Variants in EXO1 observed in about 807,000 individuals in gnomAD.
EXO1 encodes exonuclease 1.
A neutral mutation model predicts 84.5 loss-of-function variants in EXO1; 69 were observed. The observed-to-expected ratio is 0.82, with a 90% CI of 0.67 to 1.00. EXO1 has a LOEUF of 1.00. Among genes scored for constraint, EXO1 ranks in the 50% least tolerant of loss-of-function variants. The pLI is 0.00. For synonymous variants in EXO1, 373 were observed against 366.1 expected, an observed-to-expected ratio of 1.02 and a Z score of -0.21; for missense variants, 1,045 against 1,000.7, an observed-to-expected ratio of 1.04 and a Z score of -0.60.
At chr1:241,871,934 TCCTTA>T in intron 11 of EXO1, 93 bp from the exon 12 acceptor site, 5 of 732,900 alleles carry the variant, frequency 6.8e-6, no homozygotes, top group South Asian at 2.0e-5. Flanking sequence ...TTTTTTAAAG[TCCTTA>T]TTTTTAGGAC....
At chr1:241,853,741 G>A (rs776804733) in intron 6 of EXO1, among the ~76,000 whole-genome samples, 19 of 152,046 alleles carry the variant, frequency 1.2e-4, no homozygotes, top group Non-Finnish European at 1.0e-4. Flanking sequence ...GGCCAGGCAC[G>A]GTGGCTCACA....
chr1:241,858,437 T>A, intron 7 of EXO1, 69 bp from the exon 8 acceptor site: 1 of 919,190 alleles, frequency 1.1e-6, no homozygotes, highest in Admixed American at 1.8e-5. Context: ...TTCTTAAAAT[T>A]ATTGCAGTGG....
rs371963941 is a variant in EXO1, at chr1:241,889,547, G to A, written c.2488G>A (p.Asp830Asn). Residue 830 changes from aspartate to asparagine, a missense_variant, in exon 16 of 16, where the codon GAT (aspartate) becomes AAT (asparagine). Asp to Asn is a conservative substitution (Grantham distance 23). Coordinates refer to ENST00000366548, the MANE Select transcript of EXO1 (RefSeq NM_130398.4). ...CCAACTAACTCCAGAAGCGGAAGAGGATATATTTAACAAACCTGAATGTGG... is the reference window on the plus strand; with the variant it reads ...CCAACTAACTCCAGAAGCGGAAGAGAATATATTTAACAAACCTGAATGTGG... Reference protein sequence around the residue: ...NIQLTPEAEEDIFNKPECGRV... With the variant: ...NIQLTPEAEENIFNKPECGRV... 3 of 1,613,938 alleles carry A rather than the reference G, an allele frequency of 1.9e-6. No individual in the cohort carries two copies. In the African/African-American group the frequency reaches 4.0e-5, roughly 22 times the overall value.
chr1:241,883,358 G>A (rs533234870), intron 14 of EXO1, among the ~76,000 whole-genome samples: 77 of 152,296 alleles, frequency 5.1e-4, no homozygotes, highest in Non-Finnish European at 8.1e-4. Context: ...CAAGGTCTGA[G>A]TGAGAGCCCA....
rs1193728855 is a variant in EXO1 at position 241,867,136 on chromosome 1, ATT to A, written c.1267+84_1267+85del. 6.7e-6 allele frequency: 7 copies of A among 1,037,164 alleles called. No individual in the cohort carries two copies. In the African/African-American group the frequency reaches 1.1e-4, roughly 16 times the overall value. 64.2% of individuals were successfully genotyped at this position (1,037,164 alleles called of 1,614,324 possible). ...CATTGCCCAACGCAAAGTCGCGAAG[ATT>A]TTCTCCTGTTTTCTCCTAGAAGTTT... On this transcript the variant is annotated intron_variant, in intron 11 of 15. Coordinates refer to ENST00000366548, the MANE Select transcript of EXO1 (RefSeq NM_130398.4).
Position 241,879,196 on chromosome 1 carries a change from A to G in EXO1, c.1962A>G (p.Leu654=). The G allele has an allele frequency of 6.2e-7, 1 of 1,603,716 alleles. No homozygotes were observed. Among genetic ancestry groups the G allele is most frequent in the Non-Finnish European group, 8.5e-7 (1 of 1,171,990 alleles). Residue 654 remains leucine (L), a synonymous_variant, in exon 13 of 16, where the codon TTA becomes TTG. Transcript: ENST00000366548. ...ATAATATGTCTGATGTGTCGCAGTT[A>G]AAGAGCGAGGAGTCCAGTGACGATG... ...PENNMSDVSQ[L]KSEESSDDES...
rs745845276 is a variant in EXO1, at chr1:241,853,451, CA to C, written c.376del (p.Thr126HisfsTer8). 1 of 1,613,978 alleles carries C rather than the reference CA, an allele frequency of 6.2e-7. No homozygotes were observed. The highest frequency in any genetic ancestry group is 8.5e-7 in the Non-Finnish European group (1 of 1,179,958). The stretch of plus-strand genomic sequence containing the variant: ...AGTGTTTCACCCGGTCTATCAATAT[CA>C]CACATGCCATGGCCCACAAAGTAAT... ...RECFTRSINITHAMAHKVIKA... is the reference protein window; with the variant it reads ...RECFTRSINIXHAMAHKVIKA... On this transcript the variant is annotated frameshift_variant, in exon 6 of 16. Transcript: ENST00000366548. LOFTEE classifies it high-confidence loss of function.
intron 12 of EXO1, among the ~76,000 whole-genome samples, chr1:241,878,315 A>G (rs1366395239): frequency 2.6e-5 from 4 of 152,198 alleles, no homozygotes; most frequent in African/African-American, 7.2e-5. Context: ...CCTGACCAAC[A>G]TGGAGAAACC....
chr1:241,885,076 G>T (rs554859240), intron 14 of EXO1, among the ~76,000 whole-genome samples: 2 of 151,906 alleles, frequency 1.3e-5, no homozygotes, highest in African/African-American at 4.8e-5. Context: ...GCGTGGTGGC[G>T]GGTGCCTGTA....
intron 10 of EXO1, 99 bp from the exon 11 acceptor site, chr1:241,866,731 G>C: frequency 1.1e-6 from 1 of 891,548 alleles, no homozygotes; most frequent in Non-Finnish European, 1.8e-6. Context: ...TGTTTTTAAG[G>C]GTAACTTAAG....
chr1:241,867,497 G>T (rs1360710157), intron 11 of EXO1, among the ~76,000 whole-genome samples: 1 of 152,186 alleles, frequency 6.6e-6, no homozygotes, highest in Admixed American at 6.5e-5. Flanking sequence ...TTCAAGATGA[G>T]ATTTGGGTGG....
intron 11 of EXO1, among the ~76,000 whole-genome samples, chr1:241,871,051 C>T (rs547521080): frequency 3.9e-5 from 6 of 151,972 alleles, no homozygotes; most frequent in African/African-American, 1.4e-4. Context: ...TTATGGAGTC[C>T]CCAAATAACT....
At chr1:241,865,860 A>G (rs377074162) in intron 10 of EXO1, among the ~76,000 whole-genome samples, 333 of 152,316 alleles carry the variant, frequency 2.2e-3, no homozygotes, top group African/African-American at 7.7e-3. Flanking sequence ...CAATTAAATT[A>G]CCTTCCTTAT....
chr1:241,861,311 A>G (rs1368029723), intron 9 of EXO1, 95 bp from the exon 10 acceptor site: 1 of 736,916 alleles, frequency 1.4e-6, no homozygotes, highest in East Asian at 2.5e-5. Context: ...AAACCTATGG[A>G]TTTTCGTGAC....
Position 241,861,399 on chromosome 1 carries a change from A to C in EXO1, c.945-7A>C. The C allele has an allele frequency of 7.5e-7, 1 of 1,329,944 alleles. No homozygotes were observed. The highest frequency in any genetic ancestry group is 1.1e-6 in the Non-Finnish European group (1 of 920,550). The allele number at this position is 1,329,944 out of a possible 1,614,324, so 82.4% of individuals were successfully genotyped here. ...AAATACATTTTTCCTTAATCTTGCT[A>C]ATCTAGATATGTTGATGATTCCATA... On this transcript the variant is annotated splice_polypyrimidine_tract_variant and splice_region_variant and intron_variant, in intron 9 of 15. Transcript: ENST00000366548.
At chr1:241,878,064 C>T (rs761346033) in intron 12 of EXO1, among the ~76,000 whole-genome samples, 22 of 152,188 alleles carry the variant, frequency 1.4e-4, no homozygotes, top group Non-Finnish European at 1.0e-4. Context: ...GATACAAAGA[C>T]ATGGGAAGTA....
At chr1:241,863,072 T>C (rs1313375139) in intron 10 of EXO1, among the ~76,000 whole-genome samples, 1 of 152,046 alleles carries the variant, frequency 6.6e-6, no homozygotes, top group African/African-American at 2.4e-5. Flanking sequence ...TCTGTGGAAA[T>C]AAAAAGCATG....
chr1:241,874,132 G>T (rs761473425), intron 12 of EXO1, among the ~76,000 whole-genome samples: 7 of 152,174 alleles, frequency 4.6e-5, no homozygotes, highest in Non-Finnish European at 1.0e-4. Flanking sequence ...GGGCACGATG[G>T]CTCATGCCTA....
rs747814616 is a variant in EXO1 at position 241,850,504 on chromosome 1, G to A, written c.79G>A (p.Val27Ile). The A allele has an allele frequency of 1.2e-6, 2 of 1,613,858 alleles. No homozygotes were observed. The highest frequency in any genetic ancestry group is 3.3e-5 in the Admixed American group (2 of 60,030). Residue 27 changes from valine (V) to isoleucine (I), a missense_variant, in exon 4 of 16, where the codon GTA becomes ATA. Val to Ile is a conservative substitution (Grantham distance 29, BLOSUM62 3). Transcript: ENST00000366548. ...IHVRKYKGQV[V>I]AVDTYCWLHK... ...TGTGAGGAAGTATAAAGGGCAGGTA[G>A]TAGCTGTGGATACATATTGCTGGCT...
Sources: allele counts gnomAD v4.1 joint callset (sites outside exome capture counted in the v4.1 genomes callset), GRCh38; gene constraint gnomAD v4.1.1; transcripts MANE v1.5; gene names NCBI Gene and HGNC (gene_info 2026-07-23, HGNC 2026-07-21).